The following NRXN3 variants were observed in gnomAD, a reference collection of about 807,000 sequenced individuals.
The protein encoded by NRXN3 is neurexin III.
In NRXN3, 32 loss-of-function variants were observed where a neutral mutation model predicts 137.6. The observed-to-expected ratio is 0.23, with a 90% confidence interval of 0.18 to 0.31. The LOEUF is 0.31. NRXN3 is among the 10% of genes least tolerant of loss of function. The pLI is 1.00. For missense variants in NRXN3, 1,574 were observed against 2,062.5 expected (o/e 0.76, Z 4.59); for synonymous variants, 798 against 784.5 (o/e 1.02, Z -0.29).
At chr14:79,042,195 A>G (rs1252692299) in intron 15 of NRXN3, among the ~76,000 whole-genome samples, 1 of 152,176 alleles carries the variant, frequency 6.6e-6, no homozygotes, top group African/African-American at 2.4e-5. Flanking sequence ...TCTTCCTTAC[A>G]TGCAGCTGGT....
At chr14:78,290,515 G>A (rs962563287) in intron 3 of NRXN3, among the ~76,000 whole-genome samples, 4 of 152,062 alleles carry the variant, frequency 2.6e-5, no homozygotes, top group South Asian at 2.1e-4. Flanking sequence ...ACCTGTAATC[G>A]CAACTACTCA....
At chr14:79,055,137 G>A (rs2099655542) in intron 15 of NRXN3, among the ~76,000 whole-genome samples, 1 of 152,136 alleles carries the variant, frequency 6.6e-6, no homozygotes, top group Non-Finnish European at 1.5e-5. Context: ...GGCGTTAGCT[G>A]TCTCTATGTT....
At chr14:78,876,805 G>A (rs910235462) in intron 10 of NRXN3, among the ~76,000 whole-genome samples, 2 of 152,128 alleles carry the variant, frequency 1.3e-5, no homozygotes, top group African/African-American at 4.8e-5. Context: ...GATTAAATAA[G>A]AGCATGCAAG....
intron 12 of NRXN3, among the ~76,000 whole-genome samples, chr14:78,966,831 A>G (rs2099418305): frequency 6.6e-6 from 1 of 152,246 alleles, no homozygotes; most frequent in Non-Finnish European, 1.5e-5. Context: ...CCCTTTCCTC[A>G]AGACATTTTA....
chr14:79,692,230 A>G lies in NRXN3; in HGVS notation c.3674A>G (p.Asn1225Ser), dbSNP rs747781716. ...MVKQKIPFKY[N>S]RPVEEWLQEK... Reference sequence around the variant, plus strand: ...AAACAGAAAATCCCCTTCAAATATAATCGGCCTGTAGAGGAGTGGCTGCAG... The same window carrying G: ...AAACAGAAAATCCCCTTCAAATATAGTCGGCCTGTAGAGGAGTGGCTGCAG... Residue 1225 changes from asparagine to serine, a missense_variant, in exon 18 of 21, where the codon AAT (asparagine) becomes AGT (serine). Transcript: ENST00000335750. 11 of 1,609,668 alleles carry G rather than the reference A, an allele frequency of 6.8e-6. No homozygotes were observed. Among genetic ancestry groups the G allele is most frequent in the African/African-American group, 1.3e-5 (1 of 74,644 alleles).
intron 16 of NRXN3, among the ~76,000 whole-genome samples, chr14:79,470,940 A>AG (rs2096495298): frequency 8.9e-5 from 9 of 101,260 alleles, no homozygotes; most frequent in African/African-American, 7.3e-5. Flanking sequence ...GAGAGAGAGA[A>AG]AGAGAGAGAG....
At chr14:78,437,347 CTTTT>C (rs201830022) in intron 4 of NRXN3, among the ~76,000 whole-genome samples, 1 of 143,444 alleles carries the variant, frequency 7.0e-6, no homozygotes, top group Non-Finnish European at 1.5e-5. Flanking sequence ...TTTTCTTTTT[CTTTT>C]TTTTTTTTTA....
intron 4 of NRXN3, among the ~76,000 whole-genome samples, chr14:78,345,446 C>T (rs2082617304): frequency 6.6e-6 from 1 of 152,184 alleles, no homozygotes; most frequent in Non-Finnish European, 1.5e-5. Flanking sequence ...ATACACTTTG[C>T]ACTTGCTAAG....
chr14:79,418,067 G>A (rs1025169976), intron 15 of NRXN3, among the ~76,000 whole-genome samples: 32 of 151,944 alleles, frequency 2.1e-4, no homozygotes, highest in African/African-American at 7.7e-4. Flanking sequence ...GTTAAACCAA[G>A]ACTAAAGATA....
intron 4 of NRXN3, among the ~76,000 whole-genome samples, chr14:78,441,583 T>A (rs973729651): frequency 1.5e-4 from 20 of 131,896 alleles, no homozygotes; most frequent in Admixed American, 2.2e-4. Flanking sequence ...TCATATTATT[T>A]TTTTTTTTTG....
intron 15 of NRXN3, among the ~76,000 whole-genome samples, chr14:79,334,948 A>G (rs1044730105): frequency 6.6e-6 from 1 of 152,132 alleles, no homozygotes; most frequent in Non-Finnish European, 1.5e-5. Context: ...TAAACATTAG[A>G]CTGGAGATAA....
chr14:79,726,944 C>G (rs563543537), intron 19 of NRXN3, among the ~76,000 whole-genome samples: 1 of 152,030 alleles, frequency 6.6e-6, no homozygotes, highest in Non-Finnish European at 1.5e-5. Flanking sequence ...GGAGAAGCCA[C>G]GTGCTTTGGC....
At chr14:78,851,251 A>G (rs2099041683) in intron 10 of NRXN3, among the ~76,000 whole-genome samples, 5 of 152,170 alleles carry the variant, frequency 3.3e-5, no homozygotes, top group Admixed American at 3.3e-4. Context: ...TTTAGAAGAG[A>G]GGAGACTGAT....
chr14:78,306,323 CTGTT>C lies in NRXN3; in HGVS notation c.757+8467_757+8470del, dbSNP rs1228024325. Among the ~76,000 whole-genome samples the C allele has an allele frequency of 3.9e-5, 6 of 152,232 alleles. No homozygotes were observed. In the South Asian group the frequency reaches 8.3e-4, roughly 21 times the overall value. On this transcript the variant is annotated intron_variant, in intron 4 of 20. Coordinates refer to ENST00000335750, the MANE Select transcript of NRXN3 (RefSeq NM_001330195.2). ...CTCTAAGGTATGAATAATGATCTAT[CTGTT>C]TGTATAGACCTTTGCTTATCCAGTT... is the stretch of plus-strand genomic sequence containing the variant.
intron 14 of NRXN3, among the ~76,000 whole-genome samples, chr14:78,980,629 T>C (rs964433147): frequency 6.6e-6 from 1 of 152,210 alleles, no homozygotes; most frequent in Non-Finnish European, 1.5e-5. Flanking sequence ...CAGACAATTC[T>C]TAATGAGAAG....
intron 8 of NRXN3, among the ~76,000 whole-genome samples, chr14:78,794,076 A>T (rs991381747): frequency 1.3e-5 from 2 of 152,182 alleles, no homozygotes; most frequent in Non-Finnish European, 2.9e-5. Flanking sequence ...AATTTGCAGG[A>T]GGGAGTTCAA....
chr14:79,006,474 G>A (rs2099553152), intron 15 of NRXN3, among the ~76,000 whole-genome samples: 1 of 152,072 alleles, frequency 6.6e-6, no homozygotes. Context: ...AGTAGTCAAA[G>A]TATAGTAGTC....
intron 19 of NRXN3, among the ~76,000 whole-genome samples, chr14:79,792,404 T>C (rs2099148069): frequency 6.6e-6 from 1 of 152,224 alleles, no homozygotes; most frequent in African/African-American, 2.4e-5. Context: ...TGCTTAGAGA[T>C]CTTGATCCCT....
intron 4 of NRXN3, among the ~76,000 whole-genome samples, chr14:78,543,693 A>G (rs2096612540): frequency 6.6e-6 from 1 of 151,828 alleles, no homozygotes; most frequent in African/African-American, 2.4e-5. Flanking sequence ...CTTTTATTAC[A>G]TTGCTGTTGA....
Sources: gnomAD v4.1 joint callset for allele counts (sites outside exome capture counted in the v4.1 genomes callset) on GRCh38, gnomAD v4.1.1 for gene constraint, MANE v1.5 for transcripts, NCBI Gene and HGNC (gene_info 2026-07-23, HGNC 2026-07-21) for gene names.